EPB41: variants seen among roughly 807,000 people sequenced by gnomAD.
The protein encoded by EPB41 is protein 4.1.
Under a neutral mutation model 108.0 loss-of-function variants are expected in EPB41, and 65 were observed. The observed-to-expected ratio is 0.60, with a 90% CI of 0.49 to 0.74. EPB41 has a LOEUF of 0.74. Among genes scored for constraint, EPB41 ranks in the 30% least tolerant of loss-of-function variants. The probability of loss-of-function intolerance (pLI) is 0.00; values close to 1 mark genes in which losing one functional copy is unlikely to be tolerated. For synonymous variants in EPB41, 336 were observed against 358.9 expected (o/e 0.94, Z 0.72); for missense variants, 875 against 1,037.0 (o/e 0.84, Z 2.15).
Position 28,915,235 on chromosome 1 carries a change from G to A in EPB41, c.-8+467G>A, listed in dbSNP as rs115338907. On this transcript the variant is annotated intron_variant, in intron 1 of 20. Coordinates refer to ENST00000343067, the MANE Select transcript of EPB41 (RefSeq NM_001376013.1). ...AGGCGGAATCTGAGGACTGCAGGGA[G>A]CCCTGGCAAGACTTCGCAGGCCTTC... Among the ~76,000 whole-genome samples the A allele has an allele frequency of 6.4e-3, 977 of 152,292 alleles. 13 individuals are homozygous for A. Among genetic ancestry groups the A allele is most frequent in the Middle Eastern group, 0.034 (10 of 294 alleles).
At chr1:29,096,064 G>C in intron 16 of EPB41, 1 of 773,954 alleles carries the variant, frequency 1.3e-6, no homozygotes, top group Non-Finnish European at 1.6e-6. Flanking sequence ...CAATATTTTT[G>C]AGGCTTCCAA....
intron 12 of EPB41, among the ~76,000 whole-genome samples, chr1:29,057,782 A>G (rs1645810428): frequency 6.6e-6 from 1 of 152,116 alleles, no homozygotes; most frequent in Non-Finnish European, 1.5e-5. Flanking sequence ...GATGTTACTA[A>G]AGGTATTTCA....
chr1:29,084,313 C>T (rs1657924157), intron 16 of EPB41, among the ~76,000 whole-genome samples: 2 of 152,208 alleles, frequency 1.3e-5, no homozygotes, highest in Non-Finnish European at 2.9e-5. Context: ...GTTAAATTTT[C>T]CTCACATATT....
intron 1 of EPB41, among the ~76,000 whole-genome samples, chr1:28,946,467 G>A (rs1157404013): frequency 3.9e-5 from 6 of 152,180 alleles, no homozygotes; most frequent in Admixed American, 3.9e-4. Context: ...GATTGGAACT[G>A]TGCAAAATGT....
At chr1:29,008,410 G>A (rs962586613) in intron 4 of EPB41, among the ~76,000 whole-genome samples, 1 of 152,188 alleles carries the variant, frequency 6.6e-6, no homozygotes, top group African/African-American at 2.4e-5. Flanking sequence ...AACTCTGTGA[G>A]GATGGTAGTT....
chr1:29,038,194 G>A (rs1244757155), intron 10 of EPB41, among the ~76,000 whole-genome samples: 8 of 151,728 alleles, frequency 5.3e-5, no homozygotes, highest in Non-Finnish European at 1.2e-4. Flanking sequence ...AAAACATGAG[G>A]GTACATTTTA....
At chr1:29,105,281 C>G (rs1311961808) in intron 17 of EPB41, among the ~76,000 whole-genome samples, 8 of 152,128 alleles carry the variant, frequency 5.3e-5, no homozygotes, top group Non-Finnish European at 1.5e-5. Flanking sequence ...GTCATCCAGG[C>G]TGCTGGAGTG....
chr1:29,109,318 C>A lies in EPB41; in HGVS notation c.2314-18C>A. On this transcript the variant is annotated intron_variant, in intron 17 of 20. Coordinates refer to ENST00000343067, the MANE Select transcript of EPB41 (RefSeq NM_001376013.1). ...TCTTCCTGAGAGGCATGATGATGAG[C>A]CATGCTTTCTTCTGCAGACTGACGA... 6.3e-7 allele frequency: 1 copy of A among 1,597,782 alleles called. No homozygotes were observed. The highest frequency in any genetic ancestry group is 1.1e-5 in the South Asian group (1 of 90,750).
chr1:29,020,764 C>T (rs888401120), intron 7 of EPB41, among the ~76,000 whole-genome samples: 22 of 151,882 alleles, frequency 1.4e-4, no homozygotes, highest in African/African-American at 1.2e-4. Flanking sequence ...TTCAAGTGAT[C>T]GTCTCATCTC....
At chr1:28,948,117 G>T (rs572340076) in intron 1 of EPB41, among the ~76,000 whole-genome samples, 92 of 152,044 alleles carry the variant, frequency 6.1e-4, no homozygotes, top group Non-Finnish European at 9.4e-4. Context: ...TGGGGATTTT[G>T]TTTTTTCAAG....
chr1:29,057,454 G>A (rs1177457041), intron 12 of EPB41, among the ~76,000 whole-genome samples: 1 of 151,796 alleles, frequency 6.6e-6, no homozygotes, highest in Non-Finnish European at 1.5e-5. Context: ...GCTGTAATGG[G>A]GTGTGCTTAA....
chr1:29,096,402 G>A, intron 16 of EPB41: 5 of 985,916 alleles, frequency 5.1e-6, no homozygotes, highest in Non-Finnish European at 6.0e-6. Context: ...GGCCCAACTG[G>A]GGGATGTATA....
chr1:29,056,535 CT>C (rs1006720048), intron 12 of EPB41, among the ~76,000 whole-genome samples: 1 of 151,532 alleles, frequency 6.6e-6, no homozygotes, highest in Non-Finnish European at 1.5e-5. Flanking sequence ...GGCCTCAATT[CT>C]TTTTTTTGAG....
chr1:28,943,291 T>C lies in EPB41; in HGVS notation c.-8+28523T>C, dbSNP rs576832748. On this transcript the variant is annotated intron_variant, in intron 1 of 20. Transcript: ENST00000343067. ...CGAATAAACATTTCTCAAAAGAAGA[T>C]ATACAGATGACAAACAGGCATATGA... Among the ~76,000 whole-genome samples, 7 of 152,270 alleles carry C rather than the reference T, an allele frequency of 4.6e-5. No individual in the cohort carries two copies. In the South Asian group the frequency reaches 6.2e-4, roughly 14 times the overall value.
At position 29,024,105 on chromosome 1, in the gene EPB41, G is replaced by A. The variant is rs2096683094; in HGVS notation, c.1124+5663G>A. On this transcript the variant is annotated intron_variant, in intron 7 of 20. Coordinates refer to ENST00000343067, the MANE Select transcript of EPB41 (RefSeq NM_001376013.1). The stretch of plus-strand genomic sequence containing the variant: ...TAATCCCAGCATTTTGGGAGGCCAA[G>A]GCAGGTGGATCACGAGGTCAAGAGA... 2.0e-5 allele frequency among the ~76,000 whole-genome samples: 3 copies of A among 151,976 alleles called. No individual in the cohort carries two copies. The South Asian group carries it at 6.2e-4, about 31-fold the overall frequency.
intron 17 of EPB41, among the ~76,000 whole-genome samples, chr1:29,102,961 C>T (rs1205468983): frequency 2.0e-5 from 3 of 152,030 alleles, no homozygotes; most frequent in East Asian, 1.9e-4. Flanking sequence ...TTAGTAGAGA[C>T]GGGGTTTCAC....
At chr1:29,059,092 T>C (rs530485798) in intron 14 of EPB41, among the ~76,000 whole-genome samples, 3 of 152,066 alleles carry the variant, frequency 2.0e-5, no homozygotes, top group Non-Finnish European at 4.4e-5. Context: ...CTGGCCAACA[T>C]GGTGAAACCA....
chr1:29,061,572 G>GTTTTTTTTTTTTT lies in EPB41; in HGVS notation c.2007+1102_2007+1114dup, dbSNP rs34413393. Among the ~76,000 whole-genome samples, 374 of 64,052 alleles carry GTTTTTTTTTTTTT rather than the reference G, an allele frequency of 5.8e-3. 67 individuals carry two copies. The highest frequency in any genetic ancestry group is 0.043 in the East Asian group (71 of 1,670). 42.0% of individuals were successfully genotyped at this position (64,052 alleles called of 152,430 possible). On this transcript the variant is annotated intron_variant, in intron 15 of 20. Transcript: ENST00000343067. ...GCGTGAGCCACTGCGCCTGGCCTTTGTTTTTTTTTTTTTTTTTTTTTTTTT... is the reference window on the plus strand; with the variant it reads ...GCGTGAGCCACTGCGCCTGGCCTTTGTTTTTTTTTTTTTTTTTTTTTTTTTTTTTTTTTTTTTT...
In EPB41 at chr1:29,033,088, T is replaced by C; in HGVS notation, c.1213-5T>C. The C allele has an allele frequency of 6.2e-7, 1 of 1,613,816 alleles. No homozygotes were observed. The highest frequency in any genetic ancestry group is 8.5e-7 in the Non-Finnish European group (1 of 1,179,858). ...GACTGAAATCCTAACATTTTTCTTT[T>C]TCAGGACTTGGAAGGAGTAGATATC... On this transcript the variant is annotated splice_region_variant and splice_polypyrimidine_tract_variant and intron_variant, in intron 8 of 20. Coordinates refer to ENST00000343067, the MANE Select transcript of EPB41 (RefSeq NM_001376013.1).
Sources: gnomAD v4.1 joint callset for allele counts (sites outside exome capture counted in the v4.1 genomes callset) on GRCh38, gnomAD v4.1.1 for gene constraint, MANE v1.5 for transcripts, NCBI Gene and HGNC (gene_info 2026-07-23, HGNC 2026-07-21) for gene names.